The following ADGRV1 variants were observed in gnomAD, a reference collection of about 807,000 sequenced individuals.
ADGRV1 encodes adhesion G protein-coupled receptor V1.
Under a neutral mutation model 596.2 loss-of-function variants are expected in ADGRV1, and 359 were observed. The observed-to-expected ratio is 0.60, with a 90% CI of 0.55 to 0.66. ADGRV1 has a LOEUF of 0.66. Ranked by LOEUF, ADGRV1 falls within the 30% of genes least tolerant of loss-of-function variation. ADGRV1 has a pLI of 0.00. For synonymous variants in ADGRV1, 2,681 were observed against 2,679.2 expected (o/e 1.00, Z -0.02); for missense variants, 7,274 against 7,575.6 (o/e 0.96, Z 1.48).
At chr5:90,835,666 T>C (rs1447664895) in intron 77 of ADGRV1, among the ~76,000 whole-genome samples, 1 of 152,204 alleles carries the variant, frequency 6.6e-6, no homozygotes, top group Non-Finnish European at 1.5e-5. Flanking sequence ...AGATTTCTCA[T>C]GGAAAACCAT....
intron 85 of ADGRV1, among the ~76,000 whole-genome samples, chr5:91,041,247 T>C (rs1345085804): frequency 6.6e-6 from 1 of 152,158 alleles, no homozygotes; most frequent in Non-Finnish European, 1.5e-5. Context: ...CAAATGTCCA[T>C]CAGTGATAGA....
chr5:91,054,102 T>TGTGAGA (rs1299621929), intron 85 of ADGRV1, among the ~76,000 whole-genome samples: 1,859 of 126,654 alleles, frequency 0.015, 39 homozygotes, highest in African/African-American at 0.045. Flanking sequence ...TGTGTGTGTG[T>TGTGAGA]GAGAGAGAGA....
chr5:90,935,630 A>C (rs1346867258), intron 83 of ADGRV1, among the ~76,000 whole-genome samples: 12 of 152,192 alleles, frequency 7.9e-5, no homozygotes, highest in Admixed American at 7.9e-4. Flanking sequence ...TGTTGTTGCT[A>C]TTTAGTTCTT....
intron 67 of ADGRV1, among the ~76,000 whole-genome samples, chr5:90,785,260 T>C (rs1324451560): frequency 2.6e-5 from 4 of 152,292 alleles, no homozygotes; most frequent in Admixed American, 6.5e-5. Context: ...TAATTCAAGA[T>C]GGATTAAAGA....
At chr5:90,697,620 T>A (rs1323493704) in intron 34 of ADGRV1, among the ~76,000 whole-genome samples, 5 of 152,166 alleles carry the variant, frequency 3.3e-5, no homozygotes, top group Non-Finnish European at 5.9e-5. Flanking sequence ...GGATTTTATA[T>A]TGTGTTTGTA....
chr5:90,984,274 GAGA>G (rs1216464851), intron 84 of ADGRV1, among the ~76,000 whole-genome samples: 1 of 152,148 alleles, frequency 6.6e-6, no homozygotes, highest in African/African-American at 2.4e-5. Flanking sequence ...ATACAAAATT[GAGA>G]AGGAGGATTT....
In ADGRV1 at chr5:90,778,988, G is replaced by A. The variant is rs763414885; in HGVS notation, c.12973G>A (p.Glu4325Lys). 6.2e-7 allele frequency: 1 copy of A among 1,613,438 alleles called. No individual in the cohort carries two copies. The highest frequency in any genetic ancestry group is 8.5e-7 in the Non-Finnish European group (1 of 1,179,492). The change falls in exon 64 of 90, where the codon GAA becomes AAA. Residue 4325 changes from glutamate to lysine, a missense_variant. Glu to Lys is a moderately conservative substitution (Grantham distance 56). This residue lies in a region of ADGRV1 where 3,643 missense variants were observed against 3,809.2 expected (regional missense o/e 0.96). Coordinates refer to ENST00000405460, the MANE Select transcript of ADGRV1 (RefSeq NM_032119.4). ...FVPAAGELLF[E>K]AGEMRKSLHV... ...TCCTGCAGCAGGGGAGCTCCTCTTTGAAGCAGGGGAGATGAGGAAAAGTCT... is the reference window on the plus strand; with the variant it reads ...TCCTGCAGCAGGGGAGCTCCTCTTTAAAGCAGGGGAGATGAGGAAAAGTCT...
At chr5:90,965,811 T>G (rs1424014463) in intron 84 of ADGRV1, among the ~76,000 whole-genome samples, 1 of 152,138 alleles carries the variant, frequency 6.6e-6, no homozygotes, top group Non-Finnish European at 1.5e-5. Flanking sequence ...AGTTGGAAAT[T>G]TGAACATTTT....
At chr5:91,080,981 C>G (rs1382750202) in intron 86 of ADGRV1, among the ~76,000 whole-genome samples, 1 of 152,052 alleles carries the variant, frequency 6.6e-6, no homozygotes, top group Non-Finnish European at 1.5e-5. Flanking sequence ...CATGATTTTG[C>G]CTGGTGTATT....
intron 31 of ADGRV1, among the ~76,000 whole-genome samples, chr5:90,692,353 A>C (rs557881265): frequency 3.3e-5 from 5 of 152,174 alleles, no homozygotes; most frequent in Admixed American, 6.6e-5. Flanking sequence ...TGATTATATA[A>C]CAATATTAAG....
chr5:91,035,869 A>ATATATAATATATATAATATATATATAT (rs1784863114), intron 85 of ADGRV1, among the ~76,000 whole-genome samples: 1 of 120,536 alleles, frequency 8.3e-6, no homozygotes, highest in Non-Finnish European at 1.8e-5. Context: ...TATTATATAT[A>ATATATAATATATATAATATATATATAT]TATATATATA....
intron 83 of ADGRV1, among the ~76,000 whole-genome samples, chr5:90,924,701 C>A (rs1297447856): frequency 1.3e-5 from 2 of 152,108 alleles, no homozygotes; most frequent in African/African-American, 4.8e-5. Context: ...ACATGAAGTC[C>A]TTGCCCATGC....
intron 86 of ADGRV1, among the ~76,000 whole-genome samples, chr5:91,082,019 T>C (rs1362924990): frequency 6.6e-6 from 1 of 152,202 alleles, no homozygotes; most frequent in African/African-American, 2.4e-5. Flanking sequence ...TCCATCTTGA[T>C]ACCCATGATA....
At chr5:90,815,562 T>C (rs932732168) in intron 74 of ADGRV1, 57 bp from the exon 75 acceptor site, 12 of 955,398 alleles carry the variant, frequency 1.3e-5, no homozygotes, top group Admixed American at 6.1e-5. Context: ...TAGTGGAGCA[T>C]GGGAGGTCTT....
Position 90,642,725 on chromosome 5 carries a change from A to C in ADGRV1, c.2330A>C (p.Glu777Ala), listed in dbSNP as rs78627723. ...LENDDPGGVF[E>A]FSPASRGPYV... ...AATGATGACCCTGGGGGAGTTTTTGAATTTTCTCCTGCTTCCAGAGGACCC... is the reference window on the plus strand; with the variant it reads ...AATGATGACCCTGGGGGAGTTTTTGCATTTTCTCCTGCTTCCAGAGGACCC... Residue 777 changes from glutamate (E) to alanine (A), a missense_variant, in exon 12 of 90, where the codon GAA becomes GCA. By Grantham distance (107) the Glu-to-Ala change is moderately radical. This residue lies in a region of ADGRV1 where 1,715 missense variants were observed against 1,708.8 expected (regional missense o/e 1.00). Transcript: ENST00000405460. 148 of 1,613,558 alleles carry C rather than the reference A, an allele frequency of 9.2e-5. No homozygotes were observed. In the East Asian group the frequency reaches 3.1e-3, roughly 34 times the overall value.
intron 57 of ADGRV1, among the ~76,000 whole-genome samples, chr5:90,758,925 G>A (rs968526865): frequency 2.0e-5 from 3 of 152,058 alleles, no homozygotes; most frequent in African/African-American, 2.4e-5. Flanking sequence ...TGAAACCAAT[G>A]GGATTTATTT....
At chr5:90,725,718 A>G (rs1335997554) in intron 48 of ADGRV1, 62 bp downstream of exon 48, 2 of 924,668 alleles carry the variant, frequency 2.2e-6, no homozygotes, top group African/African-American at 3.4e-5. Flanking sequence ...TTATAATTGA[A>G]ATTTACCAAA....
intron 83 of ADGRV1, among the ~76,000 whole-genome samples, chr5:90,910,554 T>TCTAC (rs1478322824): frequency 8.9e-5 from 1 of 11,224 alleles, no homozygotes; most frequent in Non-Finnish European, 3.4e-4. Flanking sequence ...ATATATATTA[T>TCTAC]CTATCTATCT....
chr5:91,013,223 A>G (rs1782869206), intron 85 of ADGRV1, among the ~76,000 whole-genome samples: 1 of 152,036 alleles, frequency 6.6e-6, no homozygotes, highest in Admixed American at 6.6e-5. Flanking sequence ...AATGATTTCT[A>G]TTCCTATGGA....
Sources: gnomAD v4.1 joint callset for allele counts (sites outside exome capture counted in the v4.1 genomes callset) on GRCh38, gnomAD v4.1.1 for gene constraint, gnomAD v4.1.1 regional missense constraint, MANE v1.5 for transcripts, NCBI Gene and HGNC (gene_info 2026-07-23, HGNC 2026-07-21) for gene names.